FAM227B: variants seen among roughly 807,000 people sequenced by gnomAD.
The protein encoded by FAM227B is protein FAM227B.
In FAM227B, 88 loss-of-function variants were observed where a neutral mutation model predicts 73.8. That is an observed-to-expected ratio of 1.19 (90% CI 1.00 to 1.42). The LOEUF is 1.42. Ranked by LOEUF, FAM227B falls within the 40% of genes most tolerant of loss-of-function variation. FAM227B has a pLI of 0.00. For synonymous variants in FAM227B, 210 were observed against 190.5 expected, an observed-to-expected ratio of 1.10 and a Z score of -0.84; for missense variants, 632 against 590.9, an observed-to-expected ratio of 1.07 and a Z score of -0.72.
At chr15:49,602,589 A>G (rs745703098) in intron 3 of FAM227B, among the ~76,000 whole-genome samples, 3 of 152,068 alleles carry the variant, frequency 2.0e-5, no homozygotes, top group Admixed American at 6.5e-5. Flanking sequence ...CTCCCATTCT[A>G]TGGGCTGTCT....
intron 3 of FAM227B, among the ~76,000 whole-genome samples, chr15:49,600,112 C>A (rs927597322): frequency 1.4e-4 from 21 of 152,060 alleles, no homozygotes; most frequent in African/African-American, 5.1e-4. Context: ...TATATATTTA[C>A]AATTGTTAGA....
intron 9 of FAM227B, among the ~76,000 whole-genome samples, chr15:49,546,911 A>T (rs1190970935): frequency 6.6e-6 from 1 of 152,188 alleles, no homozygotes; most frequent in East Asian, 1.9e-4. Flanking sequence ...CCAACATTCA[A>T]ATTCAGGAAA....
At chr15:49,336,188 G>GCCTCAGTTAGCCTGGCTT (rs2039683899) in intron 13 of FAM227B, among the ~76,000 whole-genome samples, 2 of 152,254 alleles carry the variant, frequency 1.3e-5, no homozygotes, top group African/African-American at 2.4e-5. Flanking sequence ...ATGCGTGGCT[G>GCCTCAGTTAGCCTGGCTT]CCTCAGTTAG....
intron 6 of FAM227B, 91 bp from the exon 7 acceptor site, chr15:49,576,936 ATCAC>A (rs2075483855): frequency 1.5e-6 from 1 of 663,984 alleles, no homozygotes; most frequent in Non-Finnish European, 2.6e-6. Context: ...ACATTTAACT[ATCAC>A]TCACTAACAT....
In FAM227B at chr15:49,476,221, TTTTGTTTTTGG is replaced by T. The variant is rs1215190207; in HGVS notation, c.1012+31979_1012+31989del. Among the ~76,000 whole-genome samples, 42 of 117,582 alleles carry T rather than the reference TTTTGTTTTTGG, an allele frequency of 3.6e-4. 5 individuals carry two copies. The highest frequency in any genetic ancestry group is 6.3e-4 in the Non-Finnish European group (35 of 55,300). 77.1% of individuals were successfully genotyped at this position (117,582 alleles called of 152,430 possible). A position where few individuals can be genotyped will look rare whatever the true frequency, so the allele number is the denominator to read the frequency against. The stretch of plus-strand genomic sequence containing the variant: ...TCCTATTTATTTTGCTGTTTTGTTT[TTTTGTTTTTGG>T]TTTTTTTTTTTTTGCATTTGGCATA... On this transcript the variant is annotated intron_variant, in intron 11 of 15. Transcript: ENST00000299338.
At chr15:49,451,167 A>G (rs1312931112) in intron 11 of FAM227B, among the ~76,000 whole-genome samples, 1 of 152,156 alleles carries the variant, frequency 6.6e-6, no homozygotes, top group Non-Finnish European at 1.5e-5. Context: ...TTAACTAAGA[A>G]TATGGATACT....
chr15:49,619,756 GGTT>G (rs2078550605), intron 1 of FAM227B, among the ~76,000 whole-genome samples: 1 of 152,136 alleles, frequency 6.6e-6, no homozygotes, highest in African/African-American at 2.4e-5. Context: ...AAAGGAAAAT[GGTT>G]GTGAATTCTT....
chr15:49,504,515 G>A (rs1364285914), intron 11 of FAM227B, among the ~76,000 whole-genome samples: 1 of 152,004 alleles, frequency 6.6e-6, no homozygotes, highest in African/African-American at 2.4e-5. Context: ...CCTGAAGCCT[G>A]CTAGAAATGC....
At chr15:49,597,224 CA>C (rs2076937139) in intron 3 of FAM227B, among the ~76,000 whole-genome samples, 1 of 151,888 alleles carries the variant, frequency 6.6e-6, no homozygotes, top group Admixed American at 6.6e-5. Context: ...TGACAGGCCA[CA>C]AAACAAGTCT....
At chr15:49,362,840 T>C (rs913295012) in intron 13 of FAM227B, among the ~76,000 whole-genome samples, 2 of 152,210 alleles carry the variant, frequency 1.3e-5, no homozygotes, top group African/African-American at 2.4e-5. Context: ...ATCTTCTGCA[T>C]ATAGCTAGCC....
intron 11 of FAM227B, chr15:49,487,572 C>T (rs1276608464): frequency 1.3e-5 from 2 of 151,740 alleles, no homozygotes; most frequent in Admixed American, 1.3e-4. Flanking sequence ...TCTAGACTGC[C>T]AAAGAACATA....
intron 3 of FAM227B, among the ~76,000 whole-genome samples, chr15:49,602,599 T>A (rs1396553252): frequency 6.6e-6 from 1 of 152,232 alleles, no homozygotes; most frequent in Non-Finnish European, 1.5e-5. Context: ...ATGGGCTGTC[T>A]CTTCACTTTA....
intron 11 of FAM227B, among the ~76,000 whole-genome samples, chr15:49,413,098 G>A (rs1466396803): frequency 6.6e-6 from 1 of 151,984 alleles, no homozygotes; most frequent in East Asian, 1.9e-4. Flanking sequence ...CTCTTACATT[G>A]AATAAGGCTT....
chr15:49,349,333 C>A (rs931257936), intron 13 of FAM227B, among the ~76,000 whole-genome samples: 4 of 152,034 alleles, frequency 2.6e-5, no homozygotes, highest in Non-Finnish European at 5.9e-5. Flanking sequence ...AACTCATCCT[C>A]CCCCTCTTAA....
chr15:49,418,067 T>A (rs1047509618), intron 11 of FAM227B, among the ~76,000 whole-genome samples: 5 of 152,168 alleles, frequency 3.3e-5, no homozygotes, highest in African/African-American at 4.8e-5. Context: ...GAAAGAATGC[T>A]CAATACTGCT....
chr15:49,436,896 T>C (rs1255876374), intron 11 of FAM227B, among the ~76,000 whole-genome samples: 2 of 151,644 alleles, frequency 1.3e-5, no homozygotes, highest in Non-Finnish European at 3.0e-5. Context: ...CTCTGTAATA[T>C]GACCTAATGA....
At chr15:49,482,016 G>A (rs1025994035) in intron 11 of FAM227B, among the ~76,000 whole-genome samples, 1 of 152,040 alleles carries the variant, frequency 6.6e-6, no homozygotes, top group African/African-American at 2.4e-5. Flanking sequence ...AAGGTATGGG[G>A]CAAAACAATT....
chr15:49,360,120 A>G (rs944443235), intron 13 of FAM227B, among the ~76,000 whole-genome samples: 36 of 150,588 alleles, frequency 2.4e-4, no homozygotes, highest in African/African-American at 5.3e-4. Flanking sequence ...GGATAGCATC[A>G]GGAGATATAC....
intron 10 of FAM227B, among the ~76,000 whole-genome samples, chr15:49,535,590 C>T (rs1022706125): frequency 4.0e-5 from 6 of 151,776 alleles, no homozygotes; most frequent in African/African-American, 1.4e-4. Context: ...CACCTTCGTA[C>T]TGAAACCAGA....
Sources: allele counts gnomAD v4.1 joint callset (sites outside exome capture counted in the v4.1 genomes callset), GRCh38; gene constraint gnomAD v4.1.1; transcripts MANE v1.5; gene names NCBI Gene and HGNC (gene_info 2026-07-23, HGNC 2026-07-21).